The following MYOM1 variants were observed in gnomAD, a reference collection of about 807,000 sequenced individuals.
The protein encoded by MYOM1 is myomesin-1.
MYOM1 carries 164 observed loss-of-function variants against 205.3 expected under a neutral mutation model. The ratio of observed to expected loss-of-function variants is 0.80; its 90% CI spans 0.70 to 0.91. MYOM1 has a LOEUF of 0.91. Among genes scored for constraint, MYOM1 ranks in the 40% least tolerant of loss-of-function variants. The pLI is 0.00. For missense variants in MYOM1, 2,011 were observed against 2,127.3 expected (o/e 0.95, Z 1.08); for synonymous variants, 772 against 789.4 (o/e 0.98, Z 0.37).
At chr18:3,099,681 A>C (rs1271955162) in intron 25 of MYOM1, among the ~76,000 whole-genome samples, 1 of 152,198 alleles carries the variant, frequency 6.6e-6, no homozygotes, top group African/African-American at 2.4e-5. Flanking sequence ...TCTTTTTCTG[A>C]CGAAGGCATG....
intron 8 of MYOM1, among the ~76,000 whole-genome samples, chr18:3,169,412 C>A (rs1052355963): frequency 5.9e-5 from 9 of 152,114 alleles, no homozygotes; most frequent in African/African-American, 2.2e-4. Context: ...TTTCATCTGA[C>A]AAGGGATTAA....
At chr18:3,161,178 C>T (rs2080385934) in intron 10 of MYOM1, among the ~76,000 whole-genome samples, 1 of 152,182 alleles carries the variant, frequency 6.6e-6, no homozygotes, top group African/African-American at 2.4e-5. Context: ...CTCCTGTCTT[C>T]CCTGATGATA....
chr18:3,097,010 T>C (rs2079314523), intron 25 of MYOM1, among the ~76,000 whole-genome samples: 1 of 152,232 alleles, frequency 6.6e-6, no homozygotes. Context: ...CAGCGAAATA[T>C]GTTATTTGTA....
intron 21 of MYOM1, among the ~76,000 whole-genome samples, chr18:3,116,039 A>T (rs568605096): frequency 1.3e-5 from 2 of 152,326 alleles, no homozygotes; most frequent in African/African-American, 4.8e-5. Flanking sequence ...TTTTAAGACT[A>T]TGAGTAACAA....
chr18:3,176,111 T>C lies in MYOM1; in HGVS notation c.953A>G (p.Asn318Ser). 1 of 1,608,718 alleles carries C rather than the reference T, an allele frequency of 6.2e-7. No individual in the cohort carries two copies. Among genetic ancestry groups the C allele is most frequent in the Non-Finnish European group, 8.5e-7 (1 of 1,175,150 alleles). ...VTWYKNQVPI[N>S]VHANPGKYII... is the part of the protein sequence containing the mutation. ...ATACTTTCCAGGGTTTGCATGGACA[T>C]TTATTGGCACCTGGTTTTTATACCT... The change falls in exon 6 of 38, where the codon AAT (asparagine) becomes AGT (serine). Residue 318 changes from asparagine (N) to serine (S), a missense_variant. Physicochemically the swap from Asn to Ser is conservative, Grantham distance 46. Coordinates refer to ENST00000356443, the MANE Select transcript of MYOM1 (RefSeq NM_003803.4).
chr18:3,104,285 A>C (rs576159706), intron 22 of MYOM1, among the ~76,000 whole-genome samples: 1 of 152,344 alleles, frequency 6.6e-6, no homozygotes, highest in Admixed American at 6.5e-5. Flanking sequence ...TGTAAACAGA[A>C]ATTTTTGTAT....
intron 27 of MYOM1, among the ~76,000 whole-genome samples, chr18:3,089,798 T>G (rs571541855): frequency 6.6e-6 from 1 of 152,178 alleles, no homozygotes; most frequent in Non-Finnish European, 1.5e-5. Context: ...TAGGAAACAG[T>G]GACATAATAT....
intron 31 of MYOM1, 91 bp from the exon 32 acceptor site, chr18:3,084,118 T>A: frequency 1.4e-6 from 2 of 1,392,028 alleles, no homozygotes; most frequent in Non-Finnish European, 2.0e-6. Context: ...AAATTCCCTT[T>A]CTGGTTGAAA....
At chr18:3,113,672 A>C (rs1427542574) in intron 21 of MYOM1, among the ~76,000 whole-genome samples, 2 of 144,322 alleles carry the variant, frequency 1.4e-5, no homozygotes, top group African/African-American at 5.2e-5. Flanking sequence ...GGTTTTGAAT[A>C]ATCTCATTAC....
Position 3,070,736 on chromosome 18 carries a change from TTGTGTGTGTGTGTGTG to T in MYOM1, c.4764+1082_4764+1097del, listed in dbSNP as rs57044157. Among the ~76,000 whole-genome samples, 28 of 146,210 alleles carry T rather than the reference TTGTGTGTGTGTGTGTG, an allele frequency of 1.9e-4. 1 individual carries two copies. The highest frequency in any genetic ancestry group is 1.4e-3 in the Admixed American group (21 of 14,510). On this transcript the variant is annotated intron_variant, in intron 37 of 37. Transcript: ENST00000356443. Reference sequence around the variant, plus strand: ...GAAAGAAACCAGAGGTGCATGTTCTTTGTGTGTGTGTGTGTGTGTGTGTGTGTGTGTGTGTGTGCAC... The same window carrying T: ...GAAAGAAACCAGAGGTGCATGTTCTTTGTGTGTGTGTGTGTGTGTGTGCAC...
At chr18:3,098,710 G>A (rs772585870) in intron 25 of MYOM1, among the ~76,000 whole-genome samples, 4 of 152,180 alleles carry the variant, frequency 2.6e-5, no homozygotes, top group Non-Finnish European at 4.4e-5. Context: ...AGAACAAAGA[G>A]AGTCCAGTCC....
intron 14 of MYOM1, among the ~76,000 whole-genome samples, chr18:3,139,338 G>GA (rs2080016839): frequency 6.6e-6 from 1 of 152,190 alleles, no homozygotes; most frequent in South Asian, 2.1e-4. Context: ...GACACCTGAG[G>GA]AAAAAGTTTG....
intron 5 of MYOM1, among the ~76,000 whole-genome samples, chr18:3,180,664 G>A (rs538690859): frequency 1.3e-5 from 2 of 152,250 alleles, no homozygotes; most frequent in South Asian, 4.1e-4. Flanking sequence ...TGAATATTCA[G>A]ATGTATACTA....
At chr18:3,236,748 G>A in the MYOM1 span, among the ~76,000 whole-genome samples, 1 of 152,208 alleles carries the variant, frequency 6.6e-6, no homozygotes, top group Non-Finnish European at 1.5e-5. Context: ...TTGGTGATCG[G>A]TGTATAAGTG....
At chr18:3,211,379 G>T (rs2081189437) in intron 2 of MYOM1, among the ~76,000 whole-genome samples, 1 of 152,032 alleles carries the variant, frequency 6.6e-6, no homozygotes. Flanking sequence ...GTTGAGTCAC[G>T]GAGCTCCTTG....
At chr18:3,193,082 G>A (rs1475896069) in intron 3 of MYOM1, among the ~76,000 whole-genome samples, 1 of 151,636 alleles carries the variant, frequency 6.6e-6, no homozygotes, top group African/African-American at 2.4e-5. Context: ...CAACCTGGGC[G>A]ATATAGTGAG....
At chr18:3,232,700 T>A in the MYOM1 span, among the ~76,000 whole-genome samples, 1 of 152,232 alleles carries the variant, frequency 6.6e-6, no homozygotes. Context: ...CTATTCAACT[T>A]ATTATGCTTT....
At position 3,091,313 on chromosome 18, in the gene MYOM1, T is replaced by C. The variant is rs563739848; in HGVS notation, c.3865-511A>G. 4.6e-5 allele frequency among the ~76,000 whole-genome samples: 7 copies of C among 150,620 alleles called. No homozygotes were observed. The South Asian group carries it at 1.5e-3, about 32-fold the overall frequency. ...CCTGGGCAACAAGAGCAAAACTCTG[T>C]CTAAAAAAAAAAAAACATTGAAAAA... On this transcript the variant is annotated intron_variant, in intron 26 of 37. Coordinates refer to ENST00000356443, the MANE Select transcript of MYOM1 (RefSeq NM_003803.4).
At chr18:3,140,073 G>A (rs1009973305) in intron 14 of MYOM1, among the ~76,000 whole-genome samples, 1 of 152,160 alleles carries the variant, frequency 6.6e-6, no homozygotes, top group Non-Finnish European at 1.5e-5. Context: ...AATGAACATT[G>A]ATCCACCACT....
Sources: allele counts gnomAD v4.1 joint callset (sites outside exome capture counted in the v4.1 genomes callset), GRCh38; gene constraint gnomAD v4.1.1; transcripts MANE v1.5; gene names NCBI Gene and HGNC (gene_info 2026-07-23, HGNC 2026-07-21).